The following CAPN6 variants were observed in gnomAD, a reference collection of about 807,000 sequenced individuals.
The protein encoded by CAPN6 is calpain-6.
In CAPN6, 16 loss-of-function variants were observed where a neutral mutation model predicts 46.0. The observed-to-expected ratio is 0.35, with a 90% CI of 0.24 to 0.53. CAPN6 has a LOEUF of 0.53. Ranked by LOEUF, CAPN6 falls within the 20% of genes least tolerant of loss-of-function variation. The probability of loss-of-function intolerance (pLI) is 0.94; values close to 1 mark genes in which losing one functional copy is unlikely to be tolerated. For missense variants in CAPN6, 461 were observed against 498.0 expected, an observed-to-expected ratio of 0.93 and a Z score of 0.71; for synonymous variants, 206 against 172.8, an observed-to-expected ratio of 1.19 and a Z score of -1.51.
At chrX:111,255,393 G>T (rs2094982953) in intron 2 of CAPN6, among the ~76,000 whole-genome samples, 1 of 112,137 alleles carries the variant, frequency 8.9e-6, no homozygotes, top group South Asian at 3.7e-4. Context: ...AGGCATTGTG[G>T]CATACATGAC....
At chrX:111,254,653 G>A (rs758779357) in intron 2 of CAPN6, among the ~76,000 whole-genome samples, 1 of 111,394 alleles carries the variant, frequency 9.0e-6, no homozygotes, top group Non-Finnish European at 1.9e-5. Flanking sequence ...GAGATTGGGT[G>A]CCATGCGGTG....
chrX:111,254,196 G>A (rs937179706), intron 3 of CAPN6, 76 bp downstream of exon 3: 34 of 1,087,602 alleles, frequency 3.1e-5, no homozygotes, highest in African/African-American at 1.1e-4. Flanking sequence ...GAAGTTATGC[G>A]CTGATTTTTT....
In CAPN6 at chrX:111,270,396, C is replaced by CTGCTGCTGCTGCTGCTGCTGCTGT. The variant is rs2094995153; in HGVS notation, c.-42_-41insACAGCAGCAGCAGCAGCAGCAGCA. ...CTGAGTTATCCCAGGAGCCCTGCTG[C>CTGCTGCTGCTGCTGCTGCTGCTGT]TGCTGCTGCTGCTGCTGCTGCTGCT... On this transcript the variant is annotated 5_prime_UTR_variant, in exon 1 of 13. Coordinates refer to ENST00000324068, the MANE Select transcript of CAPN6 (RefSeq NM_014289.4). The CTGCTGCTGCTGCTGCTGCTGCTGT allele has an allele frequency of 2.9e-6, 1 of 346,286 alleles. No individual in the cohort carries two copies. Among genetic ancestry groups the CTGCTGCTGCTGCTGCTGCTGCTGT allele is most frequent in the African/African-American group, 2.2e-5 (1 of 44,566 alleles). 28.5% of individuals were successfully genotyped at this position (346,286 alleles called of 1,213,427 possible). A position where few individuals can be genotyped will look rare whatever the true frequency, so the allele number is the denominator to read the frequency against.
intron 10 of CAPN6, among the ~76,000 whole-genome samples, chrX:111,248,355 G>T (rs2094976267): frequency 8.9e-6 from 1 of 112,348 alleles, no homozygotes; most frequent in Non-Finnish European, 1.9e-5. Context: ...TCCTCTTTAA[G>T]GGTAGCTCAG....
chrX:111,253,626 A>G lies in CAPN6; in HGVS notation c.298-410T>C, dbSNP rs1371703592. Among the ~76,000 whole-genome samples the G allele has an allele frequency of 2.4e-4, 27 of 112,845 alleles. No homozygotes were observed. The Admixed American group carries it at 2.5e-3, about 11-fold the overall frequency. On this transcript the variant is annotated intron_variant, in intron 3 of 12. Coordinates refer to ENST00000324068, the MANE Select transcript of CAPN6 (RefSeq NM_014289.4). ...GCCCATTGTAGTTTGCTTTTTAAAT[A>G]TCCATTCTAGAGATTTTATATCAAT...
At chrX:111,256,856 C>G (rs966454037) in intron 2 of CAPN6, among the ~76,000 whole-genome samples, 10 of 103,973 alleles carry the variant, frequency 9.6e-5, no homozygotes, top group East Asian at 3.2e-4. Flanking sequence ...CCCCCCCCCC[C>G]ACAACATTCC....
intron 12 of CAPN6, 130 bp from the exon 13 acceptor site, chrX:111,246,889 C>T (rs996063186): frequency 2.0e-6 from 1 of 510,295 alleles, no homozygotes; most frequent in Non-Finnish European, 3.1e-6. Context: ...TCTGTCCTTT[C>T]CTGATAGCCC....
At chrX:111,256,828 G>C (rs981675580) in intron 2 of CAPN6, among the ~76,000 whole-genome samples, 2 of 93,027 alleles carry the variant, frequency 2.1e-5, no homozygotes, top group Non-Finnish European at 1.9e-5. Flanking sequence ...AAATTCATGA[G>C]AGAATGTAAA....
In CAPN6 at chrX:111,246,643, A is replaced by T. The variant is rs34550022; in HGVS notation, c.1860T>A (p.Thr620=). 4.1e-3 allele frequency: 4,986 copies of T among 1,209,192 alleles called. 11 individuals carry two copies. Among genetic ancestry groups the T allele is most frequent in the Middle Eastern group, 0.01 (44 of 4,353 alleles). ...TGATGTGGCCTTGCTTGACTTTGGC[A>T]GTTGGACCACCCTTCTTACGCAGGT... ...SLYLRKKGGP[T]AKVKQGHISF... The change falls in exon 13 of 13, where the codon ACT becomes ACA. Residue 620 remains threonine, a synonymous_variant. Transcript: ENST00000324068.
Position 111,246,548 on chromosome X carries a change from C to T in CAPN6, c.*29G>A. ...TGACGGAAAATAAAAGGGTGGCACG[C>T]TTTGTCAGGATTCTCTGGGATTGCA... On this transcript the variant is annotated 3_prime_UTR_variant, in exon 13 of 13. Coordinates refer to ENST00000324068, the MANE Select transcript of CAPN6 (RefSeq NM_014289.4). 8.5e-7 allele frequency: 1 copy of T among 1,173,625 alleles called. No individual in the cohort carries two copies. The highest frequency in any genetic ancestry group is 1.2e-6 in the Non-Finnish European group (1 of 865,022).
At chrX:111,262,065 A>C (rs1272412301) in intron 2 of CAPN6, among the ~76,000 whole-genome samples, 1 of 110,850 alleles carries the variant, frequency 9.0e-6, no homozygotes, top group Non-Finnish European at 1.9e-5. Context: ...CTCCCAGACA[A>C]CGTATCTCTA....
chrX:111,251,761 A>T lies in CAPN6; in HGVS notation c.700-19T>A, dbSNP rs758558277. The T allele has an allele frequency of 1.7e-6, 2 of 1,165,655 alleles. No individual in the cohort carries two copies. The highest frequency in any genetic ancestry group is 1.8e-5 in the African/African-American group (1 of 56,344). On this transcript the variant is annotated intron_variant, in intron 5 of 12. Transcript: ENST00000324068. ...TGGGAGACTGAGAGCAAAGAAAGAT[A>T]TATAAAGGCACAGGAATTGGGAGAC...
chrX:111,268,613 G>A (rs1230319245), intron 1 of CAPN6, among the ~76,000 whole-genome samples: 1 of 112,354 alleles, frequency 8.9e-6, no homozygotes. Flanking sequence ...ACATTTAAAA[G>A]ACTAATATAA....
chrX:111,248,126 T>A (rs1464833763), intron 10 of CAPN6, 134 bp from the exon 11 acceptor site: 4 of 585,451 alleles, frequency 6.8e-6, no homozygotes, highest in Non-Finnish European at 8.3e-6. Flanking sequence ...CAGATATGTC[T>A]TATATATATT....
intron 2 of CAPN6, among the ~76,000 whole-genome samples, chrX:111,256,780 A>G (rs1032090979): frequency 3.6e-5 from 4 of 110,579 alleles, no homozygotes; most frequent in African/African-American, 1.3e-4. Context: ...ATGTATATAC[A>G]TGTATGTACA....
At chrX:111,261,984 C>A (rs1176466634) in intron 2 of CAPN6, among the ~76,000 whole-genome samples, 2 of 111,605 alleles carry the variant, frequency 1.8e-5, no homozygotes, top group African/African-American at 6.5e-5. Context: ...CTATTGACAT[C>A]TTTTCCTTCA....
chrX:111,261,912 A>C (rs2094988185), intron 2 of CAPN6, among the ~76,000 whole-genome samples: 2 of 111,412 alleles, frequency 1.8e-5, no homozygotes, highest in Non-Finnish European at 3.8e-5. Context: ...GTCCTATTTC[A>C]GAAAGACACC....
intron 1 of CAPN6, among the ~76,000 whole-genome samples, chrX:111,269,384 G>A (rs778884475): frequency 1.8e-5 from 2 of 112,404 alleles, no homozygotes; most frequent in African/African-American, 6.5e-5. Context: ...AGACTGTAAA[G>A]TGTTCTTACT....
Position 111,249,011 on chromosome X carries a change from A to G in CAPN6, c.1205T>C (p.Leu402Pro). 1 of 1,211,211 alleles carries G rather than the reference A, an allele frequency of 8.3e-7. No homozygotes were observed. ...PEDGHKVIMS[L>P]QQKDLRTYRR... ...GTAAGTGCGCAGGTCCTTCTGCTGC[A>G]GTGACATAATGACCTTGTGCCCATC... The change falls in exon 9 of 13, where the codon CTG becomes CCG. Residue 402 changes from leucine (L) to proline (P), a missense_variant. Coordinates refer to ENST00000324068, the MANE Select transcript of CAPN6 (RefSeq NM_014289.4).
Sources: gnomAD v4.1 joint callset for allele counts (sites outside exome capture counted in the v4.1 genomes callset) on GRCh38, gnomAD v4.1.1 for gene constraint, MANE v1.5 for transcripts, NCBI Gene and HGNC (gene_info 2026-07-23, HGNC 2026-07-21) for gene names.